Variants in GABRG1 observed in about 807,000 individuals in gnomAD.
GABRG1 encodes gamma-aminobutyric acid type A receptor subunit gamma1.
In GABRG1, 49 loss-of-function variants were observed where a neutral mutation model predicts 49.8. That is an observed-to-expected ratio of 0.98 (90% CI 0.78 to 1.25). GABRG1 has a LOEUF of 1.25. Among genes scored for constraint, GABRG1 ranks in the 50% most tolerant of loss-of-function variants. GABRG1 has a pLI of 0.00. For missense variants in GABRG1, 552 were observed against 552.3 expected (o/e 1.00, Z 0.01); for synonymous variants, 232 against 185.1 (o/e 1.25, Z -2.06).
chr4:46,061,007 A>C (rs1240469730), intron 5 of GABRG1, among the ~76,000 whole-genome samples: 1 of 152,154 alleles, frequency 6.6e-6, no homozygotes, highest in Non-Finnish European at 1.5e-5. Context: ...GCCTGAAAAA[A>C]ATTAGCTATG....
chr4:46,059,482 G>A (rs1314823816), intron 5 of GABRG1, among the ~76,000 whole-genome samples: 1 of 151,958 alleles, frequency 6.6e-6, no homozygotes, highest in Non-Finnish European at 1.5e-5. Flanking sequence ...CTGCCGCCCA[G>A]GTTCAAGCAA....
intron 8 of GABRG1, 122 bp from the exon 9 acceptor site, chr4:46,041,376 A>C: frequency 4.8e-6 from 4 of 832,220 alleles, no homozygotes; most frequent in Non-Finnish European, 7.2e-6. Context: ...GATTTCAAAA[A>C]ATCAAGTATT....
At chr4:46,060,889 T>A (rs1252585847) in intron 5 of GABRG1, among the ~76,000 whole-genome samples, 2 of 152,146 alleles carry the variant, frequency 1.3e-5, no homozygotes. Context: ...ACTCTGAATC[T>A]CATGATATTA....
chr4:46,111,372 G>A (rs544973472), intron 1 of GABRG1, among the ~76,000 whole-genome samples: 20 of 151,204 alleles, frequency 1.3e-4, no homozygotes, highest in East Asian at 3.9e-4. Flanking sequence ...AACATTTCAC[G>A]TTCATGGATT....
At chr4:46,100,707 G>GAAA (rs33924854) in intron 1 of GABRG1, among the ~76,000 whole-genome samples, 6,441 of 126,908 alleles carry the variant, frequency 0.051, 301 homozygotes, top group East Asian at 0.13. Flanking sequence ...GAAGATTTTA[G>GAAA]AAAAAAAAAA....
chr4:46,080,613 CT>C (rs1253270337), intron 3 of GABRG1, among the ~76,000 whole-genome samples: 1 of 151,666 alleles, frequency 6.6e-6, no homozygotes, highest in African/African-American at 2.4e-5. Flanking sequence ...TACCATTAAT[CT>C]TTTATATAGG....
chr4:46,122,060 A>T (rs1194001375), intron 1 of GABRG1, among the ~76,000 whole-genome samples: 2 of 152,200 alleles, frequency 1.3e-5, no homozygotes, highest in East Asian at 3.9e-4. Context: ...TTCATTTCAT[A>T]GATGAACCTG....
chr4:46,065,054 T>A (rs529053075), intron 4 of GABRG1, among the ~76,000 whole-genome samples: 194 of 152,170 alleles, frequency 1.3e-3, no homozygotes, highest in Non-Finnish European at 2.4e-3. Flanking sequence ...CAGGGTGGGT[T>A]TCTAGAGGAA....
chr4:46,084,402 T>A (rs573965232), intron 2 of GABRG1, among the ~76,000 whole-genome samples: 1 of 151,772 alleles, frequency 6.6e-6, no homozygotes, highest in Non-Finnish European at 1.5e-5. Context: ...TCACTCATAA[T>A]CGCAATGCTA....
chr4:46,123,678 G>C (rs1279525391), intron 1 of GABRG1, 132 bp downstream of exon 1: 1 of 629,750 alleles, frequency 1.6e-6, no homozygotes, highest in African/African-American at 1.9e-5. Flanking sequence ...AAAATAAAAC[G>C]ATGGTAAATA....
chr4:46,095,181 A>T (rs891939995), intron 2 of GABRG1, among the ~76,000 whole-genome samples: 1 of 151,824 alleles, frequency 6.6e-6, no homozygotes, highest in African/African-American at 2.4e-5. Flanking sequence ...AATAATAGGC[A>T]GGAAAATAAT....
At position 46,124,013 on chromosome 4, in the gene GABRG1, G is replaced by A; in HGVS notation, c.-100C>T. The A allele has an allele frequency of 2.3e-6, 2 of 854,904 alleles. No homozygotes were observed. Among genetic ancestry groups the A allele is most frequent in the Non-Finnish European group, 3.8e-6 (2 of 526,682 alleles). The allele number at this position is 854,904 out of a possible 1,614,324, so 53.0% of individuals were successfully genotyped here. The stretch of plus-strand genomic sequence containing the variant: ...GCTGGCTGAGTACAGAAGGGAGAGT[G>A]TGGAAAGGCAGTGCACCTCCCAAAC... On this transcript the variant is annotated 5_prime_UTR_variant, in exon 1 of 9. Transcript: ENST00000295452.
intron 8 of GABRG1, among the ~76,000 whole-genome samples, chr4:46,048,755 TGAAA>T (rs1039819419): frequency 2.7e-5 from 4 of 150,452 alleles, no homozygotes; most frequent in African/African-American, 7.3e-5. Context: ...AGAAAGAGAA[TGAAA>T]GAAAGAGTGA....
rs952067808 is a variant in GABRG1, at chr4:46,040,930, C to G, written c.*58G>C. 1 of 1,514,284 alleles carries G rather than the reference C, an allele frequency of 6.6e-7. No individual in the cohort carries two copies. The highest frequency in any genetic ancestry group is 1.4e-5 in the African/African-American group (1 of 71,728). 93.8% of individuals were successfully genotyped at this position (1,514,284 alleles called of 1,614,324 possible). ...ATTTAAACTTCAAGTTACTGAAGCA[C>G]AAAAGATTCTACTGAATTTAGTCAG... On this transcript the variant is annotated 3_prime_UTR_variant, in exon 9 of 9. Transcript: ENST00000295452.
intron 1 of GABRG1, among the ~76,000 whole-genome samples, chr4:46,110,574 C>G (rs1405428059): frequency 6.6e-6 from 1 of 151,006 alleles, no homozygotes. Context: ...AGGCAAATAT[C>G]CTTGATGAAC....
chr4:46,058,069 A>G (rs914483669), intron 7 of GABRG1, 148 bp downstream of exon 7: 3 of 547,122 alleles, frequency 5.5e-6, no homozygotes, highest in Non-Finnish European at 9.0e-6. Context: ...ATCTCTTTCA[A>G]CATGGTATTG....
At chr4:46,052,002 C>A (rs1718242489) in intron 7 of GABRG1, among the ~76,000 whole-genome samples, 1 of 151,714 alleles carries the variant, frequency 6.6e-6, no homozygotes, top group Admixed American at 6.6e-5. Flanking sequence ...CCAAAGGGAA[C>A]CAAGTCAAGA....
intron 1 of GABRG1, among the ~76,000 whole-genome samples, chr4:46,098,254 G>T (rs1334794967): frequency 1.3e-5 from 2 of 151,624 alleles, no homozygotes; most frequent in African/African-American, 4.8e-5. Flanking sequence ...TTCATCAAAG[G>T]TAATAAATTA....
intron 3 of GABRG1, among the ~76,000 whole-genome samples, chr4:46,071,556 A>G (rs1385029943): frequency 6.6e-6 from 1 of 151,572 alleles, no homozygotes; most frequent in Non-Finnish European, 1.5e-5. Context: ...TTCAGTAGGT[A>G]TTCCAGACGA....
Sources: gnomAD v4.1 joint callset for allele counts (sites outside exome capture counted in the v4.1 genomes callset) on GRCh38, gnomAD v4.1.1 for gene constraint, MANE v1.5 for transcripts, NCBI Gene and HGNC (gene_info 2026-07-23, HGNC 2026-07-21) for gene names.